Variants in NUP210L observed in about 807,000 individuals in gnomAD.
NUP210L encodes nucleoporin 210 like.
In NUP210L, 74 loss-of-function variants were observed where a neutral mutation model predicts 208.5. The ratio of observed to expected loss-of-function variants is 0.35; its 90% CI spans 0.29 to 0.43. The LOEUF is 0.43. Among genes scored for constraint, NUP210L ranks in the 20% least tolerant of loss-of-function variants. NUP210L has a pLI of 1.00. For synonymous variants in NUP210L, 780 were observed against 816.9 expected, an observed-to-expected ratio of 0.95 and a Z score of 0.77; for missense variants, 1,843 against 2,289.4, an observed-to-expected ratio of 0.81 and a Z score of 3.98.
At chr1:154,068,187 T>C (rs576249675) in intron 17 of NUP210L, among the ~76,000 whole-genome samples, 14 of 152,190 alleles carry the variant, frequency 9.2e-5, no homozygotes, top group Admixed American at 2.0e-4. Flanking sequence ...CCAACTATAT[T>C]ACAAGGCTAC....
intron 16 of NUP210L, among the ~76,000 whole-genome samples, chr1:154,085,349 CA>C (rs969499907): frequency 1.3e-5 from 2 of 148,322 alleles, no homozygotes. Flanking sequence ...GACTCCATCT[CA>C]AAAAAAATAA....
intron 12 of NUP210L, among the ~76,000 whole-genome samples, chr1:154,108,022 G>C (rs1337251421): frequency 6.6e-6 from 1 of 152,140 alleles, no homozygotes; most frequent in Non-Finnish European, 1.5e-5. Context: ...CTGATACCTT[G>C]AGTAGAAAGA....
intron 14 of NUP210L, among the ~76,000 whole-genome samples, chr1:154,095,463 T>C (rs546299743): frequency 6.6e-6 from 1 of 152,348 alleles, no homozygotes; most frequent in Admixed American, 6.5e-5. Context: ...ACCCTGTTCA[T>C]TTCCTAATGT....
At chr1:154,073,770 G>A (rs1408421529) in intron 16 of NUP210L, among the ~76,000 whole-genome samples, 1 of 150,998 alleles carries the variant, frequency 6.6e-6, no homozygotes, top group Non-Finnish European at 1.5e-5. Context: ...AGCCGAGAAT[G>A]GACCACTGCA....
chr1:154,010,089 T>C (rs762793743), exon 35 of NUP210L: 1 of 1,613,974 alleles, frequency 6.2e-7, no homozygotes, highest in Non-Finnish European at 8.5e-7. Flanking sequence ...AGTACTTTTG[T>C]AATGGCCAAG....
At position 154,031,899 on chromosome 1, in the gene NUP210L, A is replaced by AT. The variant is rs1197326976; in HGVS notation, c.3697-1846dup. 2.3e-4 allele frequency among the ~76,000 whole-genome samples: 27 copies of AT among 119,042 alleles called. No homozygotes were observed. The East Asian group carries it at 3.2e-3, about 14-fold the overall frequency. 78.1% of individuals were successfully genotyped at this position (119,042 alleles called of 152,430 possible). On this transcript the variant is annotated intron_variant, in intron 27 of 39. Transcript: ENST00000368559. ...ACTGCGCCTGGCTAAATTAAAAAAA[A>AT]TTTTTTTTTTTGTAGAGACCGAGTC...
chr1:154,028,142 G>A (rs1199957512), intron 28 of NUP210L, among the ~76,000 whole-genome samples: 1 of 151,964 alleles, frequency 6.6e-6, no homozygotes, highest in Non-Finnish European at 1.5e-5. Context: ...AAACTTACTC[G>A]ACCCATATAA....
At chr1:154,148,685 G>A (rs1404374814) in intron 2 of NUP210L, among the ~76,000 whole-genome samples, 1 of 152,056 alleles carries the variant, frequency 6.6e-6, no homozygotes, top group Non-Finnish European at 1.5e-5. Flanking sequence ...AAATTAAAAA[G>A]TTTTAAAATT....
exon 9 of NUP210L, chr1:154,127,417 C>G (rs1295527946): frequency 4.1e-6 from 6 of 1,466,872 alleles, no homozygotes; most frequent in Non-Finnish European, 5.6e-6. Flanking sequence ...GACAGTGAAA[C>G]CTATACACAA....
At chr1:154,115,865 TC>T (rs1657293039) in intron 12 of NUP210L, among the ~76,000 whole-genome samples, 1 of 151,928 alleles carries the variant, frequency 6.6e-6, no homozygotes, top group East Asian at 1.9e-4. Context: ...ATGCCTGTAA[TC>T]CCACCACTAT....
exon 37 of NUP210L, chr1:154,001,028 A>G (rs1243100057): frequency 3.0e-5 from 48 of 1,614,090 alleles, no homozygotes; most frequent in Non-Finnish European, 3.7e-5. Context: ...GGCTATGGCC[A>G]GCGACCACTA....
intron 2 of NUP210L, among the ~76,000 whole-genome samples, chr1:154,144,539 C>T (rs909742718): frequency 4.6e-5 from 7 of 152,138 alleles, no homozygotes; most frequent in Non-Finnish European, 1.0e-4. Flanking sequence ...TTCAGAAACA[C>T]TAATTGAAAC....
intron 37 of NUP210L, among the ~76,000 whole-genome samples, chr1:153,998,028 G>T (rs549543781): frequency 1.9e-4 from 29 of 151,964 alleles, no homozygotes; most frequent in African/African-American, 6.5e-4. Flanking sequence ...ATTTTTAAGA[G>T]AAATATTTTT....
intron 16 of NUP210L, among the ~76,000 whole-genome samples, chr1:154,083,638 A>G (rs143512880): frequency 6.6e-6 from 1 of 152,100 alleles, no homozygotes; most frequent in African/African-American, 2.4e-5. Context: ...ATGTGTGGGG[A>G]AAAAACCCAT....
At chr1:154,017,342 C>T (rs1651315719) in intron 33 of NUP210L, among the ~76,000 whole-genome samples, 1 of 151,436 alleles carries the variant, frequency 6.6e-6, no homozygotes, top group South Asian at 2.1e-4. Flanking sequence ...AACAAAGTCA[C>T]TAGCACCAGT....
chr1:154,087,948 T>TG (rs1194405858), intron 16 of NUP210L, among the ~76,000 whole-genome samples: 1 of 152,170 alleles, frequency 6.6e-6, no homozygotes, highest in Non-Finnish European at 1.5e-5. Flanking sequence ...AAATAAGGAA[T>TG]GACTGCTAAT....
At chr1:153,995,996 T>A in intron 37 of NUP210L, 1 of 384,654 alleles carries the variant, frequency 2.6e-6, no homozygotes, top group East Asian at 6.7e-5. Flanking sequence ...ATGAGGAGAC[T>A]TAAAAAAAAA....
intron 34 of NUP210L, among the ~76,000 whole-genome samples, 165 bp from the exon 35 acceptor site, chr1:154,010,286 G>A (rs569075114): frequency 8.5e-5 from 13 of 152,306 alleles, no homozygotes; most frequent in Admixed American, 7.2e-4. Flanking sequence ...AAAGAATAGT[G>A]TGAGACCCTC....
chr1:154,095,224 C>T (rs1656123864), intron 14 of NUP210L, 68 bp from the exon 15 acceptor site: 1 of 1,161,770 alleles, frequency 8.6e-7, no homozygotes, highest in Non-Finnish European at 1.3e-6. Context: ...AAGTGAAACA[C>T]TAGTTATCTG....
Sources: gnomAD v4.1 joint callset for allele counts (sites outside exome capture counted in the v4.1 genomes callset) on GRCh38, gnomAD v4.1.1 for gene constraint, MANE v1.5 for transcripts, NCBI Gene and HGNC (gene_info 2026-07-23, HGNC 2026-07-21) for gene names.